GSN: variants seen among roughly 807,000 people sequenced by gnomAD.
GSN encodes the protein actin-depolymerizing factor.
A neutral mutation model predicts 85.7 loss-of-function variants in GSN; 56 were observed. That is an observed-to-expected ratio of 0.65 (90% CI 0.53 to 0.82). The LOEUF (loss-of-function observed/expected upper bound fraction) is 0.82, where lower values mean the gene tolerates loss of function less well. Among genes scored for constraint, GSN ranks in the 40% least tolerant of loss-of-function variants. GSN has a pLI of 0.00. For synonymous variants in GSN, 373 were observed against 399.1 expected (o/e 0.93, Z 0.78); for missense variants, 857 against 979.8 (o/e 0.87, Z 1.67).
At chr9:121,269,280 G>A (rs1032294111) in intron 1 of GSN, among the ~76,000 whole-genome samples, 35 of 152,118 alleles carry the variant, frequency 2.3e-4, no homozygotes, top group African/African-American at 7.2e-4. Context: ...CCGCTCTGCC[G>A]TTTACAGCGA....
chr9:121,256,107 G>A (rs372156216), intron 6 of GSN, among the ~76,000 whole-genome samples: 2 of 152,120 alleles, frequency 1.3e-5, no homozygotes, highest in East Asian at 3.8e-4. Context: ...CCTTTTTAGA[G>A]GAAGATATTT....
rs1195162297 is a variant in GSN, at chr9:121,332,107, GA to G, written c.2027-325del. Among the ~76,000 whole-genome samples the G allele has an allele frequency of 2.0e-5, 3 of 152,090 alleles. No individual in the cohort carries two copies. The highest frequency in any genetic ancestry group is 4.4e-5 in the Non-Finnish European group (3 of 68,008). On this transcript the variant is annotated intron_variant, in intron 17 of 17. Transcript: ENST00000432226. The surrounding 1 kb of genome is among the most constrained non-coding windows in gnomAD (Gnocchi z 4.8). ...GTTGCAAAGCAGATTCTTGGCAGCTGAATAGATCTGATTTGTGAGCTGGGAA... is the reference window on the plus strand; with the variant it reads ...GTTGCAAAGCAGATTCTTGGCAGCTGATAGATCTGATTTGTGAGCTGGGAA...
At chr9:121,310,956 G>A (rs921054837) in intron 5 of GSN, 111 bp downstream of exon 5, 1 of 932,272 alleles carries the variant, frequency 1.1e-6, no homozygotes, top group South Asian at 1.4e-5. Flanking sequence ...GCAAACCACA[G>A]GGACCAGCAT....
intron 6 of GSN, among the ~76,000 whole-genome samples, chr9:121,254,644 T>C (rs2054912337): frequency 6.6e-6 from 1 of 152,186 alleles, no homozygotes; most frequent in Non-Finnish European, 1.5e-5. Flanking sequence ...AGAGCAATTT[T>C]CTCCCAAAGA....
intron 1 of GSN, among the ~76,000 whole-genome samples, chr9:121,270,445 T>C (rs1207380515): frequency 6.6e-6 from 1 of 152,148 alleles, no homozygotes; most frequent in Non-Finnish European, 1.5e-5. Flanking sequence ...AGGTCTGAAC[T>C]AGAGCAGTGG....
chr9:121,237,760 T>G (rs1175052405), intron 5 of GSN, among the ~76,000 whole-genome samples: 1 of 152,278 alleles, frequency 6.6e-6, no homozygotes, highest in South Asian at 2.1e-4. Flanking sequence ...AGGCTGATAC[T>G]CTTGAGGAGG....
chr9:121,268,945 CA>C (rs1240567601), intron 1 of GSN, among the ~76,000 whole-genome samples: 1 of 152,200 alleles, frequency 6.6e-6, no homozygotes, highest in Non-Finnish European at 1.5e-5. Flanking sequence ...GGGCAGTGCC[CA>C]GGGGGAAGCC....
chr9:121,266,970 C>T (rs1204126558), upstream of GSN, among the ~76,000 whole-genome samples: 4 of 152,190 alleles, frequency 2.6e-5, no homozygotes, highest in African/African-American at 4.8e-5. Context: ...GCTACTTAAA[C>T]AACAGCCTTT....
chr9:121,313,860 G>A, intron 6 of GSN, 74 bp from the exon 7 acceptor site: 1 of 1,174,824 alleles, frequency 8.5e-7, no homozygotes, highest in Admixed American at 1.7e-5. Flanking sequence ...ATCCTTGCCT[G>A]CCTGGGAGCT....
chr9:121,214,207 T>C (rs930851800), intron 4 of GSN, among the ~76,000 whole-genome samples: 3 of 151,898 alleles, frequency 2.0e-5, no homozygotes, highest in African/African-American at 7.3e-5. Flanking sequence ...CCTTCCTTCC[T>C]TCCTTCCTCT....
At chr9:121,205,659 C>G (rs1177098858), upstream of GSN, among the ~76,000 whole-genome samples, 1 of 152,110 alleles carries the variant, frequency 6.6e-6, no homozygotes, top group Non-Finnish European at 1.5e-5. Flanking sequence ...CACAAGCTAA[C>G]CATCTGCTGG....
intron 5 of GSN, 187 bp from the exon 6 acceptor site, chr9:121,312,152 C>G: frequency 3.2e-6 from 2 of 616,864 alleles, no homozygotes; most frequent in South Asian, 2.0e-5. Flanking sequence ...GCTCCCATCT[C>G]CTGGTGTGTG....
chr9:121,220,416 A>G (rs960468543), intron 4 of GSN, among the ~76,000 whole-genome samples: 3 of 152,194 alleles, frequency 2.0e-5, no homozygotes, highest in Non-Finnish European at 2.9e-5. Flanking sequence ...AGCTCTTCCC[A>G]TACTTTCTGT....
chr9:121,287,885 C>T lies in GSN; in HGVS notation c.-10+6323C>T, dbSNP rs527291306. Among the ~76,000 whole-genome samples, 53 of 152,228 alleles carry T rather than the reference C, an allele frequency of 3.5e-4. 1 individual carries two copies. Among genetic ancestry groups the T allele is most frequent in the African/African-American group, 9.9e-4 (41 of 41,534 alleles). ...CAAAAGGATCCCTCATGCTTGCTTACGTCCATCTCTATGCACACCCCATAG... is the reference window on the plus strand; with the variant it reads ...CAAAAGGATCCCTCATGCTTGCTTATGTCCATCTCTATGCACACCCCATAG... On this transcript the variant is annotated intron_variant, in intron 2 of 17. Coordinates refer to ENST00000432226, the MANE Select transcript of GSN (RefSeq NM_198252.3).
chr9:121,257,836 A>G (rs1419748372), intron 6 of GSN, among the ~76,000 whole-genome samples: 1 of 152,176 alleles, frequency 6.6e-6, no homozygotes, highest in Non-Finnish European at 1.5e-5. Context: ...GCGTCACTGC[A>G]CTCCAGCCTG....
At chr9:121,325,435 T>C (rs1330546200) in intron 12 of GSN, among the ~76,000 whole-genome samples, 5 of 151,954 alleles carry the variant, frequency 3.3e-5, no homozygotes, top group Non-Finnish European at 5.9e-5. Context: ...GAAAATGCCA[T>C]GATTTGAGGC....
chr9:121,294,469 A>G (rs1312788869), intron 2 of GSN, among the ~76,000 whole-genome samples: 1 of 152,124 alleles, frequency 6.6e-6, no homozygotes, highest in African/African-American at 2.4e-5. Flanking sequence ...CTTCCAGGAC[A>G]TGGGGTCAGG....
chr9:121,248,969 G>A (rs112140083), intron 6 of GSN, among the ~76,000 whole-genome samples: 1,810 of 152,294 alleles, frequency 0.012, 37 homozygotes, highest in African/African-American at 0.041. Context: ...AGAGGCCATC[G>A]TGTAGTGGAT....
intron 5 of GSN, chr9:121,311,106 T>C (rs956922500): frequency 2.5e-5 from 13 of 525,106 alleles, no homozygotes; most frequent in African/African-American, 2.3e-4. Flanking sequence ...GTGTCCTTTT[T>C]CACATGCTTA....
Sources: allele counts gnomAD v4.1 joint callset (sites outside exome capture counted in the v4.1 genomes callset), GRCh38; gene constraint gnomAD v4.1.1; non-coding constraint Gnocchi (gnomAD v3.1); transcripts MANE v1.5; gene names NCBI Gene and HGNC (gene_info 2026-07-23, HGNC 2026-07-21).